The following CRKL variants were observed in gnomAD, a reference collection of about 807,000 sequenced individuals.
CRKL encodes CRK like proto-oncogene, adaptor protein.
In CRKL, 3 loss-of-function variants were observed where a neutral mutation model predicts 23.0. The ratio of observed to expected loss-of-function variants is 0.13; its 90% CI spans 0.06 to 0.34. The LOEUF is 0.34. Among genes scored for constraint, CRKL ranks in the 10% least tolerant of loss-of-function variants. The pLI is 1.00. For synonymous variants in CRKL, 188 were observed against 160.7 expected (o/e 1.17, Z -1.28); for missense variants, 256 against 394.5 (o/e 0.65, Z 2.97).
Position 20,922,184 on chromosome 22 carries a change from G to A in CRKL, c.311+3939G>A, listed in dbSNP as rs143881495. On this transcript the variant is annotated intron_variant, in intron 1 of 2. Coordinates refer to ENST00000354336, the MANE Select transcript of CRKL (RefSeq NM_005207.4). ...ACTACAGGCACCCGCCACCATGTCC[G>A]GCTAATTTTTGTATTTTTAGTAGAG... Among the ~76,000 whole-genome samples the A allele has an allele frequency of 3.3e-5, 5 of 151,600 alleles. No homozygotes were observed. In the East Asian group the frequency reaches 9.7e-4, roughly 29 times the overall value.
intron 1 of CRKL, among the ~76,000 whole-genome samples, chr22:20,926,983 G>A (rs535273592): frequency 6.6e-6 from 1 of 151,224 alleles, no homozygotes; most frequent in Non-Finnish European, 1.5e-5. Context: ...ATGGTGGCGT[G>A]CGCCTATAGT....
rs188369180 is a variant in CRKL at position 20,938,767 on chromosome 22, C to G, written c.777+4523C>G. ...TAGCAACTTTAGAATTGTACTTAAC[C>G]CTGGGTACACACACCCATGACTATT... On this transcript the variant is annotated intron_variant, in intron 2 of 2. Transcript: ENST00000354336. Among the ~76,000 whole-genome samples the G allele has an allele frequency of 2.8e-3, 426 of 152,172 alleles. 2 individuals carry two copies. Among genetic ancestry groups the G allele is most frequent in the Middle Eastern group, 0.017 (5 of 294 alleles).
In CRKL at chr22:20,953,176, A is replaced by G. The variant is rs1325970028; in HGVS notation, c.*3331A>G. 1 of 231,882 alleles carries G rather than the reference A, an allele frequency of 4.3e-6. No individual in the cohort carries two copies. Among genetic ancestry groups the G allele is most frequent in the Non-Finnish European group, 8.5e-6 (1 of 117,016 alleles). 14.4% of individuals were successfully genotyped at this position (231,882 alleles called of 1,614,324 possible). A position where few individuals can be genotyped will look rare whatever the true frequency, so the allele number is the denominator to read the frequency against. On this transcript the variant is annotated 3_prime_UTR_variant, in exon 3 of 3. Coordinates refer to ENST00000354336, the MANE Select transcript of CRKL (RefSeq NM_005207.4). ...TATTATGGTTATTAACCTCTTAAAC[A>G]TGAATGAATTCTTGATTGTTTTAAC...
intron 2 of CRKL, among the ~76,000 whole-genome samples, chr22:20,943,635 T>C (rs1921954964): frequency 6.6e-6 from 1 of 152,222 alleles, no homozygotes; most frequent in South Asian, 2.1e-4. Context: ...ATGTGGAAAT[T>C]GGTGCAGTTG....
chr22:20,951,387 AT>A lies in CRKL; in HGVS notation c.*1543del. ...TTAACTAGTTTATCATTAACCACTT[AT>A]CAGTGTATTGATGTTAAAGCATTTC... On this transcript the variant is annotated 3_prime_UTR_variant, in exon 3 of 3. Transcript: ENST00000354336. 1 of 231,152 alleles carries A rather than the reference AT, an allele frequency of 4.3e-6. No individual in the cohort carries two copies. Among genetic ancestry groups the A allele is most frequent in the Non-Finnish European group, 8.6e-6 (1 of 116,782 alleles). The allele number at this position is 231,152 out of a possible 1,614,324, so 14.3% of individuals were successfully genotyped here.
chr22:20,949,676 GAGAAATGCT>G, intron 2 of CRKL, 26 bp from the exon 3 acceptor site: 1 of 1,606,702 alleles, frequency 6.2e-7, no homozygotes, highest in Non-Finnish European at 8.5e-7. Context: ...TCTTGTTGCA[GAGAAATGCT>G]AACTTTGTCT....
In CRKL at chr22:20,917,842, C is replaced by T. The variant is rs945381667; in HGVS notation, c.-93C>T. 34 of 1,288,794 alleles carry T rather than the reference C, an allele frequency of 2.6e-5. No homozygotes were observed. In the African/African-American group the frequency reaches 4.2e-4, roughly 16 times the overall value. 79.8% of individuals were successfully genotyped at this position (1,288,794 alleles called of 1,614,324 possible). On this transcript the variant is annotated 5_prime_UTR_variant, in exon 1 of 3. Coordinates refer to ENST00000354336, the MANE Select transcript of CRKL (RefSeq NM_005207.4). ...TCCTCGAGGTGTGCGAGAGGCCCTT[C>T]CTCGGCCCCAAAGCCGTCTGCCGGG...
intron 1 of CRKL, among the ~76,000 whole-genome samples, chr22:20,921,420 A>T (rs1255366416): frequency 2.6e-5 from 4 of 151,706 alleles, no homozygotes; most frequent in African/African-American, 7.3e-5. Flanking sequence ...ACTGGGAAAG[A>T]TGTGTGACAG....
chr22:20,935,399 G>T (rs1348297395), intron 2 of CRKL, among the ~76,000 whole-genome samples: 1 of 151,866 alleles, frequency 6.6e-6, no homozygotes, highest in African/African-American at 2.4e-5. Context: ...AGACATGTGC[G>T]ACCACGCCCA....
At chr22:20,918,395 A>T in intron 1 of CRKL, 150 bp downstream of exon 1, 2 of 885,778 alleles carry the variant, frequency 2.3e-6, no homozygotes, top group Non-Finnish European at 3.4e-6. Flanking sequence ...ACAGAAAGCT[A>T]GTGTCAGGAT....
rs1302250763 is a variant in CRKL, at chr22:20,951,713, G to A, written c.*1868G>A. Reference sequence around the variant, plus strand: ...ATGCATTCTGGAGACAGAACCAGCAGAACAGCCATTTTTCAATTTTTCTTT... The same window carrying A: ...ATGCATTCTGGAGACAGAACCAGCAAAACAGCCATTTTTCAATTTTTCTTT... On this transcript the variant is annotated 3_prime_UTR_variant, in exon 3 of 3. Coordinates refer to ENST00000354336, the MANE Select transcript of CRKL (RefSeq NM_005207.4). 1 of 223,962 alleles carries A rather than the reference G, an allele frequency of 4.5e-6. No homozygotes were observed. Among genetic ancestry groups the A allele is most frequent in the Admixed American group, 5.7e-5 (1 of 17,446 alleles). 13.9% of individuals were successfully genotyped at this position (223,962 alleles called of 1,614,324 possible). A position where few individuals can be genotyped will look rare whatever the true frequency, so the allele number is the denominator to read the frequency against.
intron 2 of CRKL, among the ~76,000 whole-genome samples, chr22:20,946,445 G>A (rs1290763642): frequency 2.0e-5 from 3 of 152,262 alleles, no homozygotes; most frequent in East Asian, 1.9e-4. Context: ...TGCTAAGTGC[G>A]GCCAGCCACA....
chr22:20,932,533 G>A lies in CRKL; in HGVS notation c.312-1246G>A, dbSNP rs569237268. 2.0e-5 allele frequency among the ~76,000 whole-genome samples: 3 copies of A among 152,234 alleles called. No individual in the cohort carries two copies. The East Asian group carries it at 5.8e-4, about 29-fold the overall frequency. On this transcript the variant is annotated intron_variant, in intron 1 of 2. Coordinates refer to ENST00000354336, the MANE Select transcript of CRKL (RefSeq NM_005207.4). Reference sequence around the variant, plus strand: ...GGATGTAAGCCATAGATTAGGACTGGGAGGAAGAGTGTGTGGTGGTTGTGA... The same window carrying A: ...GGATGTAAGCCATAGATTAGGACTGAGAGGAAGAGTGTGTGGTGGTTGTGA...
chr22:20,935,061 A>G (rs1318134392), intron 2 of CRKL, among the ~76,000 whole-genome samples: 4 of 151,906 alleles, frequency 2.6e-5, no homozygotes, highest in Non-Finnish European at 4.4e-5. Context: ...TGATCTGCCT[A>G]TCTTGGCCTC....
At chr22:20,930,798 A>G (rs1921420793) in intron 1 of CRKL, among the ~76,000 whole-genome samples, 2 of 131,808 alleles carry the variant, frequency 1.5e-5, no homozygotes, top group African/African-American at 3.0e-5. Context: ...CTCCTGCCTC[A>G]GCCTCCCGAG....
intron 1 of CRKL, 103 bp from the exon 2 acceptor site, chr22:20,933,676 G>A (rs1444351093): frequency 7.8e-6 from 8 of 1,021,364 alleles, no homozygotes; most frequent in Non-Finnish European, 1.1e-5. Flanking sequence ...TCATAAAAAA[G>A]GAAAATAATT....
chr22:20,923,558 T>G (rs545531815), intron 1 of CRKL, among the ~76,000 whole-genome samples: 43 of 148,610 alleles, frequency 2.9e-4, no homozygotes, highest in African/African-American at 1.0e-3. Context: ...ATTACAGTTA[T>G]GAGCCACCGC....
At chr22:20,930,421 C>T (rs1291479413) in intron 1 of CRKL, among the ~76,000 whole-genome samples, 2 of 152,130 alleles carry the variant, frequency 1.3e-5, no homozygotes, top group African/African-American at 4.8e-5. Context: ...GCTCTGTCAC[C>T]CAGGCTGGAG....
At chr22:20,931,988 T>C (rs1392339106) in intron 1 of CRKL, among the ~76,000 whole-genome samples, 2 of 152,014 alleles carry the variant, frequency 1.3e-5, no homozygotes, top group Non-Finnish European at 2.9e-5. Flanking sequence ...ATTTTTTGTA[T>C]TTTTAGTAGA....
Sources: gnomAD v4.1 joint callset for allele counts (sites outside exome capture counted in the v4.1 genomes callset) on GRCh38, gnomAD v4.1.1 for gene constraint, MANE v1.5 for transcripts, NCBI Gene and HGNC (gene_info 2026-07-23, HGNC 2026-07-21) for gene names.